The following ARMC8 variants were observed in gnomAD, a reference collection of about 807,000 sequenced individuals.
ARMC8 encodes armadillo repeat containing 8, also known as armadillo repeat-containing protein 8.
In ARMC8, 20 loss-of-function variants were observed where a neutral mutation model predicts 99.3. The observed-to-expected ratio is 0.20, with a 90% CI of 0.14 to 0.29. The LOEUF (loss-of-function observed/expected upper bound fraction) is 0.29, where lower values mean the gene tolerates loss of function less well. ARMC8 is among the 10% of genes least tolerant of loss of function. ARMC8 has a pLI of 1.00. For synonymous variants in ARMC8, 263 were observed against 278.3 expected (o/e 0.95, Z 0.55); for missense variants, 569 against 809.5 (o/e 0.70, Z 3.60).
intron 1 of ARMC8, among the ~76,000 whole-genome samples, chr3:138,191,376 A>C (rs970182763): frequency 6.6e-6 from 1 of 152,226 alleles, no homozygotes; most frequent in Non-Finnish European, 1.5e-5. Context: ...AAAAACATTT[A>C]TTTTGAAATA....
chr3:138,288,087 T>C (rs2050594430), intron 19 of ARMC8: 1 of 159,536 alleles, frequency 6.3e-6, no homozygotes, highest in Admixed American at 6.1e-5. Flanking sequence ...TTGGGGATAT[T>C]CCTTTAGAAA....
At chr3:138,235,177 C>T (rs772072256) in intron 7 of ARMC8, 63 bp downstream of exon 7, 2 of 1,127,050 alleles carry the variant, frequency 1.8e-6, no homozygotes, top group Non-Finnish European at 2.6e-6. Flanking sequence ...GAAACAGACC[C>T]ACATATTTTT....
chr3:138,227,613 A>G (rs983890306), intron 5 of ARMC8, among the ~76,000 whole-genome samples: 1 of 152,208 alleles, frequency 6.6e-6, no homozygotes, highest in Non-Finnish European at 1.5e-5. Context: ...CTTGGCTTTT[A>G]CATATCTTGG....
At chr3:138,240,799 A>G (rs956076436) in intron 10 of ARMC8, among the ~76,000 whole-genome samples, 11 of 152,182 alleles carry the variant, frequency 7.2e-5, no homozygotes, top group African/African-American at 2.7e-4. Context: ...ATACTTCCAC[A>G]TTGTCCTTTC....
At chr3:138,278,681 C>T (rs2049556832) in intron 18 of ARMC8, among the ~76,000 whole-genome samples, 1 of 152,082 alleles carries the variant, frequency 6.6e-6, no homozygotes, top group African/African-American at 2.4e-5. Flanking sequence ...TTGAGTCTTC[C>T]AATTCATGAA....
intron 6 of ARMC8, among the ~76,000 whole-genome samples, chr3:138,230,760 G>A (rs547010249): frequency 2.0e-5 from 3 of 152,254 alleles, no homozygotes; most frequent in East Asian, 3.9e-4. Flanking sequence ...TGGACCTGGA[G>A]GAATAACTAC....
chr3:138,273,167 G>C, intron 17 of ARMC8, 51 bp downstream of exon 17: 1 of 1,527,980 alleles, frequency 6.5e-7, no homozygotes, highest in Non-Finnish European at 8.9e-7. Context: ...CATATGCATT[G>C]CAAGACATTG....
At chr3:138,229,273 AT>A (rs2045913752) in intron 6 of ARMC8, among the ~76,000 whole-genome samples, 1 of 144,844 alleles carries the variant, frequency 6.9e-6, no homozygotes, top group African/African-American at 2.5e-5. Flanking sequence ...GCACCTTAAC[AT>A]TTTTCACTTG....
intron 18 of ARMC8, among the ~76,000 whole-genome samples, chr3:138,282,893 T>C (rs190015340): frequency 1.4e-4 from 21 of 152,292 alleles, no homozygotes; most frequent in African/African-American, 5.1e-4. Flanking sequence ...CAGATTATTA[T>C]TGATTTCCTT....
At position 138,256,263 on chromosome 3, in the gene ARMC8, C is replaced by G. The variant is rs187989769; in HGVS notation, c.1135-7476C>G. Reference sequence around the variant, plus strand: ...GTCAGTGGAACTCTGTGGTTTCTTCCCGGTTTTTCTTGGCTTATCTTTTCA... The same window carrying G: ...GTCAGTGGAACTCTGTGGTTTCTTCGCGGTTTTTCTTGGCTTATCTTTTCA... On this transcript the variant is annotated intron_variant, in intron 12 of 21. Coordinates refer to ENST00000469044, the MANE Select transcript of ARMC8 (RefSeq NM_001363941.2). 1.4e-3 allele frequency among the ~76,000 whole-genome samples: 220 copies of G among 152,136 alleles called. 1 individual carries two copies. Among genetic ancestry groups the G allele is most frequent in the African/African-American group, 5.0e-3 (208 of 41,492 alleles).
At chr3:138,236,454 A>G (rs768843657) in intron 7 of ARMC8, among the ~76,000 whole-genome samples, 2 of 152,108 alleles carry the variant, frequency 1.3e-5, no homozygotes, top group Non-Finnish European at 1.5e-5. Flanking sequence ...ATTTACTATA[A>G]TGATTTGAAA....
chr3:138,213,538 A>G (rs1297032938), intron 2 of ARMC8, among the ~76,000 whole-genome samples: 1 of 152,220 alleles, frequency 6.6e-6, no homozygotes, highest in African/African-American at 2.4e-5. Context: ...CTGAAAGAAG[A>G]GGGAAGTCAC....
intron 1 of ARMC8, among the ~76,000 whole-genome samples, chr3:138,205,791 CATAAG>C (rs747229478): frequency 4.6e-5 from 7 of 152,112 alleles, no homozygotes; most frequent in Non-Finnish European, 7.4e-5. Flanking sequence ...ATAAACAAAA[CATAAG>C]ATAAGTACAC....
chr3:138,216,816 A>AAATAT (rs1286169775), intron 2 of ARMC8, among the ~76,000 whole-genome samples: 2 of 152,238 alleles, frequency 1.3e-5, no homozygotes, highest in African/African-American at 4.8e-5. Context: ...ATACACATAG[A>AAATAT]GTATTCCAAA....
rs1560068491 is a variant in ARMC8 at position 138,296,058 on chromosome 3, AT to A, written c.*173del. ...TAGATCTCAAATTCATCTTGAGAAC[AT>A]TTTTTTGAGGTAGTAATTTCCTCAG... On this transcript the variant is annotated 3_prime_UTR_variant, in exon 22 of 22. Coordinates refer to ENST00000469044, the MANE Select transcript of ARMC8 (RefSeq NM_001363941.2). 10 of 566,672 alleles carry A rather than the reference AT, an allele frequency of 1.8e-5. No individual in the cohort carries two copies. The highest frequency in any genetic ancestry group is 9.3e-5 in the South Asian group (3 of 32,132). The allele number at this position is 566,672 out of a possible 1,614,324, so 35.1% of individuals were successfully genotyped here.
chr3:138,262,595 AT>A (rs779543126), intron 12 of ARMC8: 7 of 1,560,912 alleles, frequency 4.5e-6, no homozygotes, highest in Non-Finnish European at 5.2e-6. Flanking sequence ...ACCTGAGGAG[AT>A]TAAAAAAAAA....
intron 12 of ARMC8, 81 bp from the exon 13 acceptor site, chr3:138,263,658 T>A (rs2047978329): frequency 5.9e-6 from 7 of 1,189,974 alleles, no homozygotes; most frequent in African/African-American, 1.5e-5. Context: ...TTTTAATGGA[T>A]GTTAACATAC....
chr3:138,237,207 A>G, intron 7 of ARMC8, 102 bp from the exon 8 acceptor site: 1 of 993,402 alleles, frequency 1.0e-6, no homozygotes, highest in Non-Finnish European at 1.5e-6. Context: ...TAGTATTTTA[A>G]GCAGATTTAC....
intron 12 of ARMC8, among the ~76,000 whole-genome samples, chr3:138,262,823 A>G (rs1374685446): frequency 6.6e-6 from 1 of 152,192 alleles, no homozygotes; most frequent in Non-Finnish European, 1.5e-5. Context: ...TGAGTACAAG[A>G]GGACTACCTT....
Sources: gnomAD v4.1 joint callset for allele counts (sites outside exome capture counted in the v4.1 genomes callset) on GRCh38, gnomAD v4.1.1 for gene constraint, MANE v1.5 for transcripts, NCBI Gene and HGNC (gene_info 2026-07-23, HGNC 2026-07-21) for gene names.